KCNH8: variants seen among roughly 807,000 people sequenced by gnomAD.
KCNH8 encodes the protein potassium voltage-gated channel subfamily H member 8, also known as voltage-gated delayed rectifier potassium channel KCNH8.
In KCNH8, 70 loss-of-function variants were observed where a neutral mutation model predicts 103.6. The observed-to-expected ratio is 0.68, with a 90% CI of 0.56 to 0.82. The LOEUF is 0.82. Ranked by LOEUF, KCNH8 falls within the 40% of genes least tolerant of loss-of-function variation. KCNH8 has a pLI of 0.00. For synonymous variants in KCNH8, 498 were observed against 489.4 expected, an observed-to-expected ratio of 1.02 and a Z score of -0.23; for missense variants, 1,217 against 1,329.9, an observed-to-expected ratio of 0.92 and a Z score of 1.32.
rs1027508706 is a variant in KCNH8 at position 19,474,964 on chromosome 3, T to C, written c.2040+17982T>C. 4.6e-5 allele frequency among the ~76,000 whole-genome samples: 7 copies of C among 152,158 alleles called. No homozygotes were observed. The East Asian group carries it at 1.2e-3, about 25-fold the overall frequency. On this transcript the variant is annotated intron_variant, in intron 11 of 15. Transcript: ENST00000328405. Reference sequence around the variant, plus strand: ...AATAGGATTCTATCAAAAAGAGCAATGAAGAGGATCCAGAAATCCTGACTA... The same window carrying C: ...AATAGGATTCTATCAAAAAGAGCAACGAAGAGGATCCAGAAATCCTGACTA...
chr3:19,492,623 T>A (rs2068347216), intron 11 of KCNH8, among the ~76,000 whole-genome samples: 1 of 152,132 alleles, frequency 6.6e-6, no homozygotes, highest in Non-Finnish European at 1.5e-5. Flanking sequence ...CCAGCTTCAT[T>A]TTTGTTGTTG....
intron 15 of KCNH8, among the ~76,000 whole-genome samples, chr3:19,522,782 A>C (rs1285745132): frequency 6.6e-6 from 1 of 151,816 alleles, no homozygotes; most frequent in Non-Finnish European, 1.5e-5. Flanking sequence ...CCCTTTAGCG[A>C]TATAATAATT....
chr3:19,500,471 A>G (rs559221128), intron 11 of KCNH8, among the ~76,000 whole-genome samples: 2 of 144,988 alleles, frequency 1.4e-5, no homozygotes, highest in South Asian at 4.3e-4. Flanking sequence ...ACCCCAAATC[A>G]ACAGAATATA....
intron 1 of KCNH8, among the ~76,000 whole-genome samples, chr3:19,156,030 A>C (rs776507955): frequency 3.3e-5 from 5 of 152,122 alleles, no homozygotes; most frequent in African/African-American, 4.8e-5. Flanking sequence ...CTTTAGTGGT[A>C]CCTGGTGTTC....
At chr3:19,415,136 T>C (rs924841141) in intron 7 of KCNH8, among the ~76,000 whole-genome samples, 1 of 151,904 alleles carries the variant, frequency 6.6e-6, no homozygotes, top group Non-Finnish European at 1.5e-5. Context: ...ATGTGAATAA[T>C]CACAAATGAA....
rs967709996 is a variant in KCNH8, at chr3:19,342,722, G to T, written c.570+8G>T. The T allele has an allele frequency of 4.4e-6, 7 of 1,599,806 alleles. No homozygotes were observed. The highest frequency in any genetic ancestry group is 4.0e-5 in the African/African-American group (3 of 74,442). The stretch of plus-strand genomic sequence containing the variant: ...AAATTGAAAATAAATAACGTAGGTG[G>T]TATGTGTGTACAGGATGAATGCTAG... On this transcript the variant is annotated splice_region_variant and intron_variant, in intron 4 of 15. Transcript: ENST00000328405.
intron 2 of KCNH8, among the ~76,000 whole-genome samples, chr3:19,270,754 G>T (rs781013128): frequency 2.0e-5 from 3 of 152,154 alleles, no homozygotes; most frequent in Admixed American, 6.5e-5. Context: ...CAGTATGTTT[G>T]TTGTCTGCAT....
chr3:19,452,249 G>A (rs1250528236), intron 10 of KCNH8, among the ~76,000 whole-genome samples: 1 of 151,992 alleles, frequency 6.6e-6, no homozygotes, highest in Non-Finnish European at 1.5e-5. Flanking sequence ...GCTGGCCATG[G>A]TGGCAGGAGC....
At chr3:19,467,719 AG>A (rs2067771619) in intron 11 of KCNH8, among the ~76,000 whole-genome samples, 1 of 152,212 alleles carries the variant, frequency 6.6e-6, no homozygotes, top group South Asian at 2.1e-4. Context: ...TCAAGGCTAC[AG>A]GAGTAATCTT....
chr3:19,389,231 A>G (rs995705766), intron 5 of KCNH8, among the ~76,000 whole-genome samples: 2 of 152,158 alleles, frequency 1.3e-5, no homozygotes, highest in East Asian at 1.9e-4. Flanking sequence ...GCTTAGTTGG[A>G]TCCTCCGATC....
intron 3 of KCNH8, among the ~76,000 whole-genome samples, chr3:19,301,501 C>T (rs973863457): frequency 2.0e-5 from 3 of 152,016 alleles, no homozygotes; most frequent in Non-Finnish European, 4.4e-5. Flanking sequence ...GAAAAACCAT[C>T]TTTCACATAA....
chr3:19,243,454 C>T (rs1282662694), intron 1 of KCNH8, among the ~76,000 whole-genome samples: 1 of 152,146 alleles, frequency 6.6e-6, no homozygotes, highest in Non-Finnish European at 1.5e-5. Context: ...ACTTAACTTA[C>T]AATTATCTCT....
At chr3:19,318,997 G>T (rs934191420) in intron 3 of KCNH8, among the ~76,000 whole-genome samples, 1 of 151,426 alleles carries the variant, frequency 6.6e-6, no homozygotes, top group Non-Finnish European at 1.5e-5. Flanking sequence ...TTTTTGATGG[G>T]ATTATTTGTT....
chr3:19,213,037 CTCATTAATTATCT>C lies in KCNH8; in HGVS notation c.77-40614_77-40602del, dbSNP rs767992271. 5.3e-4 allele frequency among the ~76,000 whole-genome samples: 81 copies of C among 152,204 alleles called. 1 individual carries two copies. The highest frequency in any genetic ancestry group is 9.4e-4 in the Non-Finnish European group (64 of 68,016). On this transcript the variant is annotated intron_variant, in intron 1 of 15. Transcript: ENST00000328405. Reference sequence around the variant, plus strand: ...TCTTTAATTAAAAGTCTCTCAATTTCTCATTAATTATCTTCTATATTGATGGCTTTGAGCTTGG... The same window carrying C: ...TCTTTAATTAAAAGTCTCTCAATTTCTCTATATTGATGGCTTTGAGCTTGG...
chr3:19,431,326 C>T lies in KCNH8; in HGVS notation c.1178-6838C>T, dbSNP rs1204360020. 4.6e-5 allele frequency among the ~76,000 whole-genome samples: 7 copies of T among 152,120 alleles called. 1 individual carries two copies. Among genetic ancestry groups the T allele is most frequent in the East Asian group, 1.9e-4 (1 of 5,194 alleles). The stretch of plus-strand genomic sequence containing the variant: ...TGTTGAACCAACCTTGCATTTCTGG[C>T]GTGAAGCCTACTTGATTGTGATGGA... On this transcript the variant is annotated intron_variant, in intron 7 of 15. Coordinates refer to ENST00000328405, the MANE Select transcript of KCNH8 (RefSeq NM_144633.3).
intron 2 of KCNH8, among the ~76,000 whole-genome samples, chr3:19,277,680 A>T (rs2064693977): frequency 6.6e-6 from 1 of 152,180 alleles, no homozygotes; most frequent in Non-Finnish European, 1.5e-5. Context: ...GAAAGTACCA[A>T]AATGGAGACA....
In KCNH8 at chr3:19,534,164, T is replaced by C. The variant is rs2069225932; in HGVS notation, c.*65T>C. On this transcript the variant is annotated 3_prime_UTR_variant, in exon 16 of 16. Transcript: ENST00000328405. ...CACTGCATGACAGTTTTAGTTTGCC[T>C]TTTTGCCTCTGGTGGGCATGAAGAC... The C allele has an allele frequency of 1.6e-6, 2 of 1,245,760 alleles. No individual in the cohort carries two copies. Among genetic ancestry groups the C allele is most frequent in the Non-Finnish European group, 2.3e-6 (2 of 883,846 alleles). 77.2% of individuals were successfully genotyped at this position (1,245,760 alleles called of 1,614,324 possible). A position where few individuals can be genotyped will look rare whatever the true frequency, so the allele number is the denominator to read the frequency against.
chr3:19,186,689 G>A (rs2063505640), intron 1 of KCNH8, among the ~76,000 whole-genome samples: 2 of 151,968 alleles, frequency 1.3e-5, no homozygotes, highest in South Asian at 4.1e-4. Context: ...TATTAAAAAG[G>A]GAACTAGGCA....
intron 2 of KCNH8, among the ~76,000 whole-genome samples, chr3:19,263,829 C>G (rs1433002400): frequency 6.6e-6 from 1 of 152,036 alleles, no homozygotes; most frequent in Non-Finnish European, 1.5e-5. Flanking sequence ...TTCCTAGAAA[C>G]ACATTTGGGG....
Sources: allele counts gnomAD v4.1 joint callset (sites outside exome capture counted in the v4.1 genomes callset), GRCh38; gene constraint gnomAD v4.1.1; transcripts MANE v1.5; gene names NCBI Gene and HGNC (gene_info 2026-07-23, HGNC 2026-07-21).